Variants in WDR41 observed in about 807,000 individuals in gnomAD.
The protein encoded by WDR41 is WD repeat domain 41, also known as WD repeat-containing protein 41.
WDR41 carries 63 observed loss-of-function variants against 69.3 expected under a neutral mutation model. The ratio of observed to expected loss-of-function variants is 0.91; its 90% CI spans 0.74 to 1.12. The LOEUF (loss-of-function observed/expected upper bound fraction) is 1.12, where lower values mean the gene tolerates loss of function less well. WDR41 is among the 50% of genes most tolerant of loss of function. The probability of loss-of-function intolerance (pLI) is 0.00; values close to 1 mark genes in which losing one functional copy is unlikely to be tolerated. For synonymous variants in WDR41, 185 were observed against 192.1 expected (o/e 0.96, Z 0.31); for missense variants, 543 against 534.5 (o/e 1.02, Z -0.16).
intron 2 of WDR41, among the ~76,000 whole-genome samples, chr5:77,473,448 T>C (rs1274402906): frequency 6.6e-6 from 1 of 152,044 alleles, no homozygotes; most frequent in Non-Finnish European, 1.5e-5. Context: ...ACAAATGGGA[T>C]CTAATTAAAC....
At chr5:77,449,987 C>A in intron 7 of WDR41, 117 bp from the exon 8 acceptor site, 1 of 684,808 alleles carries the variant, frequency 1.5e-6, no homozygotes, top group East Asian at 2.7e-5. Flanking sequence ...CTGAAAAACC[C>A]ATCTCCAAAA....
chr5:77,435,943 T>G (rs1798922084), intron 12 of WDR41, among the ~76,000 whole-genome samples: 1 of 152,200 alleles, frequency 6.6e-6, no homozygotes, highest in Admixed American at 6.5e-5. Flanking sequence ...CCACAACCCT[T>G]CATGCATCCT....
chr5:77,525,581 T>C (rs949483602), intron 1 of WDR41, among the ~76,000 whole-genome samples: 1 of 152,082 alleles, frequency 6.6e-6, no homozygotes, highest in Non-Finnish European at 1.5e-5. Context: ...GGTTATTAAA[T>C]TGGGGTTTAG....
intron 1 of WDR41, among the ~76,000 whole-genome samples, chr5:77,511,495 T>G (rs376842178): frequency 2.1e-4 from 32 of 152,344 alleles, no homozygotes; most frequent in African/African-American, 7.0e-4. Context: ...TTGTCTGAAT[T>G]AGCTTCAGAC....
At chr5:77,447,038 G>A (rs1581701825) in intron 8 of WDR41, among the ~76,000 whole-genome samples, 1 of 152,030 alleles carries the variant, frequency 6.6e-6, no homozygotes, top group African/African-American at 2.4e-5. Context: ...ACAAAGGTCG[G>A]TCTAATATCC....
intron 4 of WDR41, 80 bp from the exon 5 acceptor site, chr5:77,459,204 C>T (rs1263695397): frequency 9.7e-7 from 1 of 1,035,754 alleles, no homozygotes; most frequent in Non-Finnish European, 1.4e-6. Flanking sequence ...AATTAAGCCA[C>T]AAATGTTAAG....
chr5:77,506,700 T>C (rs1014250098), intron 1 of WDR41, among the ~76,000 whole-genome samples: 14 of 152,316 alleles, frequency 9.2e-5, no homozygotes, highest in Non-Finnish European at 1.6e-4. Flanking sequence ...TGGAATACCA[T>C]GCAGCCATAA....
Position 77,470,091 on chromosome 5 carries a change from T to C in WDR41, c.168-5282A>G, listed in dbSNP as rs7717416. Among the ~76,000 whole-genome samples the C allele has an allele frequency of 4.6e-3, 677 of 146,842 alleles. 5 individuals carry two copies. The highest frequency in any genetic ancestry group is 0.017 in the African/African-American group (619 of 36,596). On this transcript the variant is annotated intron_variant, in intron 2 of 12. Coordinates refer to ENST00000296679, the MANE Select transcript of WDR41 (RefSeq NM_018268.4). ...TAACAGCAGATCTCTTGGCAGAAACTCTACAAGCCAGAAGATAATGGGGGC... is the reference window on the plus strand; with the variant it reads ...TAACAGCAGATCTCTTGGCAGAAACCCTACAAGCCAGAAGATAATGGGGGC...
intron 1 of WDR41, among the ~76,000 whole-genome samples, chr5:77,566,447 C>G (rs1426739088): frequency 6.6e-6 from 1 of 152,094 alleles, no homozygotes. Flanking sequence ...AGTACCTAAA[C>G]CATTCTAGGA....
At chr5:77,619,856 G>C (rs1043726569) in intron 1 of WDR41, among the ~76,000 whole-genome samples, 3 of 152,120 alleles carry the variant, frequency 2.0e-5, no homozygotes, top group Non-Finnish European at 4.4e-5. Context: ...ATGCCAAAAG[G>C]TGCCTCTGTA....
intron 2 of WDR41, among the ~76,000 whole-genome samples, chr5:77,486,925 TTTTACTC>T (rs1801551807): frequency 6.6e-6 from 1 of 152,190 alleles, no homozygotes; most frequent in African/African-American, 2.4e-5. Flanking sequence ...ACATATGGCT[TTTTACTC>T]TTTACAGAAT....
chr5:77,456,095 A>AG (rs765163039), intron 5 of WDR41, among the ~76,000 whole-genome samples: 2 of 152,312 alleles, frequency 1.3e-5, no homozygotes, highest in African/African-American at 4.8e-5. Context: ...CCATGCACTC[A>AG]GGATGTCTTT....
rs895294360 is a variant in WDR41 at position 77,545,747 on chromosome 5, C to T, written c.43-56175G>A. 4 of 604,158 alleles carry T rather than the reference C, an allele frequency of 6.6e-6. 1 individual carries two copies. In the South Asian group the frequency reaches 7.1e-5, roughly 11 times the overall value. 37.4% of individuals were successfully genotyped at this position (604,158 alleles called of 1,614,324 possible). A position where few individuals can be genotyped will look rare whatever the true frequency, so the allele number is the denominator to read the frequency against. ...GCTGGCCAGTGCACCAGGTTCAAGG[C>T]GTTTGTTGCCTTGACTACATTGGGG... On this transcript the variant is annotated intron_variant, in intron 1 of 5. Coordinates refer to the WDR41 transcript ENST00000509971.
chr5:77,461,561 G>A (rs1800063226), intron 4 of WDR41, among the ~76,000 whole-genome samples: 1 of 152,218 alleles, frequency 6.6e-6, no homozygotes, highest in Non-Finnish European at 1.5e-5. Flanking sequence ...AATATGACCG[G>A]AAACAGTGGC....
intron 1 of WDR41, chr5:77,582,673 G>T: frequency 6.2e-7 from 1 of 1,600,830 alleles, no homozygotes; most frequent in Non-Finnish European, 8.5e-7. Context: ...AGGTATCAGT[G>T]CTGTGAGCCC....
chr5:77,454,022 T>G, intron 5 of WDR41, 94 bp from the exon 6 acceptor site: 1 of 908,338 alleles, frequency 1.1e-6, no homozygotes, highest in South Asian at 1.5e-5. Flanking sequence ...TTTAACCCCT[T>G]CCTTCACTAG....
chr5:77,567,158 C>G (rs1194804173), intron 1 of WDR41, among the ~76,000 whole-genome samples: 1 of 152,074 alleles, frequency 6.6e-6, no homozygotes, highest in Non-Finnish European at 1.5e-5. Context: ...ATAAGTAGCT[C>G]TAGATTTTTC....
Position 77,451,286 on chromosome 5 carries a change from C to T in WDR41, c.586+5G>A, listed in dbSNP as rs1394754625. 2.5e-6 allele frequency: 4 copies of T among 1,613,216 alleles called. No homozygotes were observed. The highest frequency in any genetic ancestry group is 3.3e-5 in the Admixed American group (2 of 59,918). Reference sequence around the variant, plus strand: ...ATACACAAAAAGAAAAAAATTCATACTCACTCAGTTCTTTGCCAACTGCTG... The same window carrying T: ...ATACACAAAAAGAAAAAAATTCATATTCACTCAGTTCTTTGCCAACTGCTG... On this transcript the variant is annotated splice_donor_5th_base_variant and intron_variant, in intron 7 of 12. Transcript: ENST00000296679.
chr5:77,505,322 G>T (rs983396450), intron 1 of WDR41, among the ~76,000 whole-genome samples: 2 of 152,148 alleles, frequency 1.3e-5, no homozygotes, highest in Non-Finnish European at 2.9e-5. Flanking sequence ...ACTTACAAGG[G>T]ATGTGAAGGA....
Sources: gnomAD v4.1 joint callset for allele counts (sites outside exome capture counted in the v4.1 genomes callset) on GRCh38, gnomAD v4.1.1 for gene constraint, MANE v1.5 for transcripts, NCBI Gene and HGNC (gene_info 2026-07-23, HGNC 2026-07-21) for gene names.